Variants in DHX9 observed in about 807,000 individuals in gnomAD.
DHX9 encodes the protein DExH-box helicase 9.
A neutral mutation model predicts 148.7 loss-of-function variants in DHX9; 27 were observed. The observed-to-expected ratio is 0.18, with a 90% CI of 0.13 to 0.25. DHX9 has a LOEUF of 0.25. Ranked by LOEUF, DHX9 falls within the 10% of genes least tolerant of loss-of-function variation. DHX9 has a pLI of 1.00. For synonymous variants in DHX9, 529 were observed against 516.6 expected, an observed-to-expected ratio of 1.02 and a Z score of -0.33; for missense variants, 796 against 1,559.6, an observed-to-expected ratio of 0.51 and a Z score of 8.25.
chr1:182,880,237 G>A (rs1011014490), intron 21 of DHX9, among the ~76,000 whole-genome samples: 1 of 152,106 alleles, frequency 6.6e-6, no homozygotes. Context: ...AGTTAATACT[G>A]TATTTATAGA....
In DHX9 at chr1:182,887,188, T is replaced by C. The variant is rs1205568362; in HGVS notation, c.3567T>C (p.Tyr1189=). Residue 1189 remains tyrosine, a synonymous_variant, in exon 28 of 28, where the codon TAT becomes TAC. Transcript: ENST00000367549. ...SYSGGGYGGG[Y]SSGGYGSGGY... ...GTGGTGGAGGCTATGGCGGTGGCTATAGCAGTGGAGGCTATGGTAGCGGAG... is the reference window on the plus strand; with the variant it reads ...GTGGTGGAGGCTATGGCGGTGGCTACAGCAGTGGAGGCTATGGTAGCGGAG... The C allele has an allele frequency of 6.2e-7, 1 of 1,613,980 alleles. No individual in the cohort carries two copies. The highest frequency in any genetic ancestry group is 1.3e-5 in the African/African-American group (1 of 74,916).
chr1:182,882,466 T>G (rs1649127344), intron 24 of DHX9, among the ~76,000 whole-genome samples: 1 of 152,236 alleles, frequency 6.6e-6, no homozygotes, highest in South Asian at 2.1e-4. Flanking sequence ...ATTATCTCCA[T>G]CTTCTCTACA....
At chr1:182,849,483 G>GAA (rs1668093242) in intron 3 of DHX9, among the ~76,000 whole-genome samples, 2 of 152,154 alleles carry the variant, frequency 1.3e-5, no homozygotes, top group Admixed American at 1.3e-4. Flanking sequence ...TCCAATTAAT[G>GAA]TTTACATTTT....
At chr1:182,880,633 TC>T in intron 22 of DHX9, 25 bp downstream of exon 22, 1 of 1,430,640 alleles carries the variant, frequency 7.0e-7, no homozygotes, top group Non-Finnish European at 9.9e-7. Flanking sequence ...TTATTTCTCT[TC>T]GTTAAGTGGC....
At position 182,876,526 on chromosome 1, in the gene DHX9, A is replaced by T. The variant is rs1186477806; in HGVS notation, c.2109A>T (p.Pro703=). 1 of 1,611,806 alleles carries T rather than the reference A, an allele frequency of 6.2e-7. No homozygotes were observed. The highest frequency in any genetic ancestry group is 8.5e-7 in the Non-Finnish European group (1 of 1,179,298). Residue 703 remains proline (P), a synonymous_variant, in exon 18 of 28, where the codon CCA becomes CCT. Transcript: ENST00000367549. The part of the protein sequence containing the change: ...EEQRKVFDPV[P]VGVTKVILST... The stretch of plus-strand genomic sequence containing the variant: ...AGCGCAAAGTGTTTGATCCAGTACC[A>T]GTTGGAGTAACCAAGGTAAATATTA...
intron 12 of DHX9, among the ~76,000 whole-genome samples, chr1:182,861,949 GTC>G (rs1668370601): frequency 2.0e-5 from 3 of 152,206 alleles, no homozygotes; most frequent in Admixed American, 2.0e-4. Flanking sequence ...GGTACAGTAA[GTC>G]TAAGATTTAA....
intron 3 of DHX9, among the ~76,000 whole-genome samples, chr1:182,850,048 CAA>C (rs1406866174): frequency 7.0e-6 from 1 of 143,328 alleles, no homozygotes. Context: ...TCCAACCCAT[CAA>C]AATTTTTCTG....
chr1:182,870,541 T>G (rs1648515275), intron 14 of DHX9, among the ~76,000 whole-genome samples: 1 of 152,144 alleles, frequency 6.6e-6, no homozygotes, highest in Non-Finnish European at 1.5e-5. Context: ...GTCAGATTAG[T>G]GAGAAAGGGA....
chr1:182,855,065 A>G (rs986365012), intron 6 of DHX9, among the ~76,000 whole-genome samples: 2 of 152,184 alleles, frequency 1.3e-5, no homozygotes, highest in African/African-American at 4.8e-5. Flanking sequence ...TATTAATACA[A>G]AATTTTGTCA....
In DHX9 at chr1:182,876,019, A is replaced by G. The variant is rs553662155; in HGVS notation, c.1816-31A>G. The G allele has an allele frequency of 1.3e-5, 20 of 1,580,988 alleles. No individual in the cohort carries two copies. The African/African-American group carries it at 1.9e-4, about 15-fold the overall frequency. ...ACTTACCTCATGAGTAACTGAGACA[A>G]TCCAAAAATATGTCTCCCTGTTTTT... On this transcript the variant is annotated intron_variant, in intron 16 of 27. Coordinates refer to ENST00000367549, the MANE Select transcript of DHX9 (RefSeq NM_001357.5).
intron 21 of DHX9, among the ~76,000 whole-genome samples, chr1:182,879,854 T>TA (rs145210523): frequency 0.012 from 1,752 of 152,080 alleles, 31 homozygotes; most frequent in African/African-American, 0.04. Context: ...GCCTCCCGAG[T>TA]AGCTGAGACT....
intron 4 of DHX9, among the ~76,000 whole-genome samples, chr1:182,852,608 G>A (rs1668174680): frequency 6.6e-6 from 1 of 152,114 alleles, no homozygotes; most frequent in Non-Finnish European, 1.5e-5. Context: ...AGAATATTTG[G>A]TGAAAGAATC....
intron 27 of DHX9, among the ~76,000 whole-genome samples, chr1:182,885,373 A>G (rs1191672401): frequency 1.3e-5 from 2 of 152,204 alleles, no homozygotes; most frequent in Admixed American, 6.5e-5. Flanking sequence ...GAGTGATACA[A>G]TGTATAGCCA....
chr1:182,861,544 A>G (rs992972688), intron 12 of DHX9, among the ~76,000 whole-genome samples: 1 of 152,108 alleles, frequency 6.6e-6, no homozygotes, highest in East Asian at 1.9e-4. Flanking sequence ...ACCACTATCC[A>G]TTTCTAATCT....
At chr1:182,869,420 T>G (rs1302432432) in intron 14 of DHX9, among the ~76,000 whole-genome samples, 1 of 152,106 alleles carries the variant, frequency 6.6e-6, no homozygotes, top group Admixed American at 6.5e-5. Flanking sequence ...ACCAGTCTTA[T>G]CCGGTTTGGC....
rs376783174 is a variant in DHX9, at chr1:182,881,626, A to G, written c.2893A>G (p.Ile965Val). The change falls in exon 24 of 28, where the codon ATT (isoleucine) becomes GTT (valine). Residue 965 changes from isoleucine (I) to valine (V), a missense_variant. Ile to Val is a conservative substitution (Grantham distance 29). Around this residue, in one of 14 missense-constraint regions of DHX9, gnomAD observed 122 missense variants for 289.3 expected, o/e 0.42. Transcript: ENST00000367549. ...EAKVQLKEIL[I>V]NSGFPEDCLL... is the part of the protein sequence containing the mutation. ...CAAAGTTCAGCTCAAAGAGATTTTGATTAATTCTGGGTTTCCAGAAGGTAA... is the reference window on the plus strand; with the variant it reads ...CAAAGTTCAGCTCAAAGAGATTTTGGTTAATTCTGGGTTTCCAGAAGGTAA... The G allele has an allele frequency of 6.0e-5, 96 of 1,607,140 alleles. No homozygotes were observed. In the South Asian group the frequency reaches 7.6e-4, roughly 13 times the overall value.
At chr1:182,848,251 G>A (rs1668068074) in intron 3 of DHX9, among the ~76,000 whole-genome samples, 1 of 152,158 alleles carries the variant, frequency 6.6e-6, no homozygotes, top group African/African-American at 2.4e-5. Context: ...TTTCTCAACT[G>A]GAGACCATTT....
chr1:182,876,082 T>A lies in DHX9; in HGVS notation c.1848T>A (p.Tyr616Ter). 1 of 1,613,922 alleles carries A rather than the reference T, an allele frequency of 6.2e-7. No individual in the cohort carries two copies. Among genetic ancestry groups the A allele is most frequent in the African/African-American group, 1.3e-5 (1 of 75,036 alleles). ...ANCNLICGDE[Y>*]GPETRLSMSQ... ...GCAACTTGATCTGTGGTGATGAATA[T>A]GGTCCAGAAACAAGGTTGAGCATGT... Residue 616 changes from tyrosine to a stop codon, truncating the protein, a stop_gained, in exon 17 of 28, where the codon TAT becomes TAA. Coordinates refer to ENST00000367549, the MANE Select transcript of DHX9 (RefSeq NM_001357.5). LOFTEE classifies it high-confidence loss of function.
intron 12 of DHX9, among the ~76,000 whole-genome samples, chr1:182,860,993 C>T (rs759414949): frequency 6.6e-6 from 1 of 152,154 alleles, no homozygotes; most frequent in Non-Finnish European, 1.5e-5. Context: ...TGTTGCTTAA[C>T]CTGGGAAACA....
Sources: allele counts gnomAD v4.1 joint callset (sites outside exome capture counted in the v4.1 genomes callset), GRCh38; gene constraint gnomAD v4.1.1; regional missense constraint gnomAD v4.1.1; transcripts MANE v1.5; gene names NCBI Gene and HGNC (gene_info 2026-07-23, HGNC 2026-07-21).